Variants in ZC4H2 observed in about 807,000 individuals in gnomAD.
The protein encoded by ZC4H2 is zinc finger C4H2-type containing, also known as zinc finger C4H2 domain-containing protein.
For synonymous variants in ZC4H2, 84 were observed against 66.3 expected (o/e 1.27, Z -1.30); for missense variants, 137 against 173.9 (o/e 0.79, Z 1.19).
At chrX:64,990,106 T>C (rs141150065) in intron 1 of ZC4H2, among the ~76,000 whole-genome samples, 102 of 112,422 alleles carry the variant, frequency 9.1e-4, no homozygotes, top group African/African-American at 3.1e-3. Context: ...TTATTTATAA[T>C]AGCCCAAAAC....
intron 1 of ZC4H2, among the ~76,000 whole-genome samples, chrX:64,941,562 G>A (rs1266685417): frequency 1.8e-5 from 2 of 111,777 alleles, no homozygotes; most frequent in Admixed American, 9.6e-5. Context: ...TTTGAGATAT[G>A]TTCCATCAAT....
chrX:64,916,841 C>A lies in ZC4H2; in HGVS notation c.*942G>T, dbSNP rs145899936. ...GGATGAATGGAAGGAAAGTCCCACC[C>A]ACCTTCATGTGTAAAGTGATTGGCA... is the stretch of plus-strand genomic sequence containing the variant. On this transcript the variant is annotated 3_prime_UTR_variant, in exon 5 of 5. Transcript: ENST00000374839. The A allele has an allele frequency of 8.9e-6, 1 of 112,023 alleles. No individual in the cohort carries two copies. Among genetic ancestry groups the A allele is most frequent in the Non-Finnish European group, 1.9e-5 (1 of 53,155 alleles). The allele number at this position is 112,023 out of a possible 1,213,427, so 9.2% of individuals were successfully genotyped here.
intron 1 of ZC4H2, among the ~76,000 whole-genome samples, chrX:64,965,965 A>AG (rs1240163670): frequency 9.2e-6 from 1 of 108,596 alleles, no homozygotes; most frequent in Non-Finnish European, 1.9e-5. Flanking sequence ...AAAAAAAAAA[A>AG]AAAAAGACAT....
chrX:64,960,803 G>A (rs2084298727), intron 1 of ZC4H2, among the ~76,000 whole-genome samples: 1 of 111,933 alleles, frequency 8.9e-6, no homozygotes, highest in South Asian at 3.6e-4. Flanking sequence ...GAATTTCACT[G>A]TGGTCAGAAA....
intron 1 of ZC4H2, among the ~76,000 whole-genome samples, chrX:64,960,553 G>C (rs1931347942): frequency 9.0e-6 from 1 of 111,631 alleles, no homozygotes; most frequent in Non-Finnish European, 1.9e-5. Flanking sequence ...TAGTACTGGG[G>C]AAATGACTTC....
chrX:65,028,306 G>A (rs914990441), intron 1 of ZC4H2, among the ~76,000 whole-genome samples: 2 of 111,741 alleles, frequency 1.8e-5, no homozygotes, highest in African/African-American at 6.5e-5. Flanking sequence ...ACTATTCTAA[G>A]CATTAGAGAT....
Position 64,939,404 on chromosome X carries a change from C to A in ZC4H2, c.54-17416G>T, listed in dbSNP as rs779953856. Reference sequence around the variant, plus strand: ...ATTCAATGCTATCCCCATCAAGATACCATTGACTTTATTCACAGAATTGGA... The same window carrying A: ...ATTCAATGCTATCCCCATCAAGATAACATTGACTTTATTCACAGAATTGGA... On this transcript the variant is annotated intron_variant, in intron 1 of 4. Coordinates refer to ENST00000374839, the MANE Select transcript of ZC4H2 (RefSeq NM_018684.4). Among the ~76,000 whole-genome samples the A allele has an allele frequency of 4.5e-5, 5 of 111,839 alleles. No individual in the cohort carries two copies. In the Admixed American group the frequency reaches 4.7e-4, roughly 11 times the overall value.
intron 1 of ZC4H2, among the ~76,000 whole-genome samples, chrX:64,937,341 G>C (rs1469283777): frequency 9.0e-6 from 1 of 111,068 alleles, no homozygotes; most frequent in Non-Finnish European, 1.9e-5. Context: ...AATAGTGGGA[G>C]ACTTTAACAC....
intron 1 of ZC4H2, among the ~76,000 whole-genome samples, chrX:64,995,887 G>A (rs1434617023): frequency 8.9e-6 from 1 of 112,386 alleles, no homozygotes; most frequent in Non-Finnish European, 1.9e-5. Flanking sequence ...GTAAAGCAAG[G>A]CAAATAAACA....
In ZC4H2 at chrX:64,928,040, A is replaced by T. The variant is rs192658696; in HGVS notation, c.54-6052T>A. Among the ~76,000 whole-genome samples the T allele has an allele frequency of 5.5e-4, 62 of 112,081 alleles. No homozygotes were observed. In the East Asian group the frequency reaches 0.016, roughly 29 times the overall value. On this transcript the variant is annotated intron_variant, in intron 1 of 4. Coordinates refer to ENST00000374839, the MANE Select transcript of ZC4H2 (RefSeq NM_018684.4). ...ATTCTGGATATTAGACTTTTGTCAGATGGATAGATTGCAAAAATTTTTTCT... is the reference window on the plus strand; with the variant it reads ...ATTCTGGATATTAGACTTTTGTCAGTTGGATAGATTGCAAAAATTTTTTCT...
At chrX:64,952,737 T>C (rs1445765411) in intron 1 of ZC4H2, among the ~76,000 whole-genome samples, 1 of 109,943 alleles carries the variant, frequency 9.1e-6, no homozygotes, top group Middle Eastern at 4.7e-3. Context: ...AAAATGGCCA[T>C]ACTGCCCAAG....
chrX:64,923,993 T>C (rs893440118), intron 1 of ZC4H2, among the ~76,000 whole-genome samples: 2 of 112,229 alleles, frequency 1.8e-5, no homozygotes, highest in East Asian at 2.8e-4. Flanking sequence ...TAATTACTTA[T>C]TTGCTTATAT....
intron 1 of ZC4H2, among the ~76,000 whole-genome samples, chrX:65,024,749 A>G (rs1932864003): frequency 2.7e-5 from 3 of 112,048 alleles, no homozygotes; most frequent in South Asian, 3.7e-4. Flanking sequence ...CGCAACATGA[A>G]TGGAGCTGGA....
At chrX:64,951,421 T>C (rs1490162689) in intron 1 of ZC4H2, among the ~76,000 whole-genome samples, 3 of 111,704 alleles carry the variant, frequency 2.7e-5, no homozygotes, top group East Asian at 2.8e-4. Context: ...CCACCAACAG[T>C]GTAAAAGTGT....
intron 1 of ZC4H2, among the ~76,000 whole-genome samples, chrX:64,989,318 C>T (rs1474153509): frequency 8.9e-6 from 1 of 111,812 alleles, no homozygotes; most frequent in East Asian, 2.8e-4. Flanking sequence ...GCAGTATGGC[C>T]ATTTTCACGA....
chrX:64,966,157 A>G (rs1307119675), intron 1 of ZC4H2, among the ~76,000 whole-genome samples: 1 of 111,700 alleles, frequency 9.0e-6, no homozygotes, highest in African/African-American at 3.3e-5. Flanking sequence ...TAAACACTTC[A>G]CAGAAGAGGA....
chrX:64,971,064 A>G (rs1931766095), intron 1 of ZC4H2, among the ~76,000 whole-genome samples: 1 of 112,515 alleles, frequency 8.9e-6, no homozygotes, highest in South Asian at 3.7e-4. Context: ...ACTACTTCAT[A>G]TGCAATGTAT....
chrX:65,000,515 A>C (rs754649491), intron 1 of ZC4H2, among the ~76,000 whole-genome samples: 20 of 111,946 alleles, frequency 1.8e-4, no homozygotes, highest in Non-Finnish European at 3.6e-4. Context: ...CCCAAAACCC[A>C]GGATGCCTCT....
At chrX:64,980,336 G>C (rs1023885429), upstream of ZC4H2, among the ~76,000 whole-genome samples, 1 of 111,553 alleles carries the variant, frequency 9.0e-6, no homozygotes, top group Non-Finnish European at 1.9e-5. Flanking sequence ...GTTATACCTA[G>C]CAATCAGGGC....
Sources: allele counts gnomAD v4.1 joint callset (sites outside exome capture counted in the v4.1 genomes callset), GRCh38; gene constraint gnomAD v4.1.1; transcripts MANE v1.5; gene names NCBI Gene and HGNC (gene_info 2026-07-23, HGNC 2026-07-21).